Variants in ABCC2 observed in about 807,000 individuals in gnomAD.
ABCC2 encodes ATP-binding cassette sub-family C member 2.
ABCC2 carries 157 observed loss-of-function variants against 173.4 expected under a neutral mutation model. The ratio of observed to expected loss-of-function variants is 0.91; its 90% CI spans 0.80 to 1.03. The LOEUF (loss-of-function observed/expected upper bound fraction) is 1.03, where lower values mean the gene tolerates loss of function less well. Among genes scored for constraint, ABCC2 ranks in the 50% least tolerant of loss-of-function variants. ABCC2 has a pLI of 0.00. For synonymous variants in ABCC2, 657 were observed against 693.5 expected, an observed-to-expected ratio of 0.95 and a Z score of 0.83; for missense variants, 1,822 against 1,852.3, an observed-to-expected ratio of 0.98 and a Z score of 0.30.
chr10:99,832,136 G>A lies in ABCC2; in HGVS notation c.3258+5G>A. 6.2e-7 allele frequency: 1 copy of A among 1,614,172 alleles called. No homozygotes were observed. Among genetic ancestry groups the A allele is most frequent in the Non-Finnish European group, 8.5e-7 (1 of 1,180,012 alleles). On this transcript the variant is annotated splice_donor_5th_base_variant and intron_variant, in intron 23 of 31. Coordinates refer to ENST00000647814, the MANE Select transcript of ABCC2 (RefSeq NM_000392.5). ...ATTGTGAACAGGTTTGCCGGCGTAA[G>A]TATCTCAAGAACTGTCAGGTGGTGT...
intron 16 of ABCC2, 71 bp downstream of exon 16, chr10:99,813,215 G>T: frequency 6.4e-7 from 1 of 1,570,856 alleles, no homozygotes; most frequent in Non-Finnish European, 8.7e-7. Context: ...TGCCTCACTG[G>T]GGAGAAGGCA....
At position 99,850,498 on chromosome 10, in the gene ABCC2, G is replaced by A. The variant is rs2039072602; in HGVS notation, c.4314-104G>A. The A allele has an allele frequency of 3.6e-6, 4 of 1,121,112 alleles. No homozygotes were observed. The Admixed American group carries it at 5.9e-5, about 17-fold the overall frequency. 69.4% of individuals were successfully genotyped at this position (1,121,112 alleles called of 1,614,324 possible). On this transcript the variant is annotated intron_variant, in intron 30 of 31. Transcript: ENST00000647814. The stretch of plus-strand genomic sequence containing the variant: ...CAAACATTCCAGGGGAATTTTGGAG[G>A]GGGGGTTTTGAAAGTCTGATCTGGA...
In ABCC2 at chr10:99,782,851, G is replaced by C. The variant is rs749476023; in HGVS notation, c.7G>C (p.Glu3Gln). 5 of 1,614,066 alleles carry C rather than the reference G, an allele frequency of 3.1e-6. No individual in the cohort carries two copies. The highest frequency in any genetic ancestry group is 4.5e-5 in the East Asian group (2 of 44,868). ...CAGACGCAGTCCAGGAATCATGCTG[G>C]AGAAGTTCTGCAACTCTACTTTTTG... Reference protein sequence around the residue: MLEKFCNSTFWNS... With the variant: MLQKFCNSTFWNS... The change falls in exon 1 of 32, where the codon GAG becomes CAG. Residue 3 changes from glutamate (E) to glutamine (Q), a missense_variant. Glu to Gln is a conservative substitution (Grantham distance 29, BLOSUM62 2). Coordinates refer to ENST00000647814, the MANE Select transcript of ABCC2 (RefSeq NM_000392.5).
chr10:99,845,564 A>T (rs2039004269), intron 28 of ABCC2, 60 bp from the exon 29 acceptor site: 4 of 1,599,622 alleles, frequency 2.5e-6, no homozygotes, highest in Non-Finnish European at 3.4e-6. Flanking sequence ...TGCCCAGGCT[A>T]AATAACTTTT....
At position 99,830,564 on chromosome 10, in the gene ABCC2, T is replaced by C. The variant is rs1030312835; in HGVS notation, c.2747+131T>C. 1.2e-5 allele frequency: 19 copies of C among 1,563,686 alleles called. No individual in the cohort carries two copies. In the Admixed American group the frequency reaches 1.3e-4, roughly 11 times the overall value. ...TCCAAGCTCTTCCTTTGTTTCTTTG[T>C]TGTGGGGATGGGGAAAGATCGGGGT... On this transcript the variant is annotated intron_variant, in intron 20 of 31. Coordinates refer to ENST00000647814, the MANE Select transcript of ABCC2 (RefSeq NM_000392.5).
rs769179507 is a variant in ABCC2, at chr10:99,834,521, T to C, written c.3400T>C (p.Tyr1134His). The C allele has an allele frequency of 6.2e-7, 1 of 1,614,200 alleles. No individual in the cohort carries two copies. The highest frequency in any genetic ancestry group is 1.1e-5 in the South Asian group (1 of 91,080). ...TIIVIPLGIIYVSVQMFYVST... is the reference protein window; with the variant it reads ...TIIVIPLGIIHVSVQMFYVST... Reference sequence around the variant, plus strand: ...CATCGTCATTCCTCTTGGCATTATTTATGTATCTGTTCAGGTAGGTTTGGA... The same window carrying C: ...CATCGTCATTCCTCTTGGCATTATTCATGTATCTGTTCAGGTAGGTTTGGA... The change falls in exon 24 of 32, where the codon TAT (tyrosine) becomes CAT (histidine). Residue 1134 changes from tyrosine (Y) to histidine (H), a missense_variant. Physicochemically the swap from Tyr to His is moderately conservative, Grantham distance 83. Coordinates refer to ENST00000647814, the MANE Select transcript of ABCC2 (RefSeq NM_000392.5).
chr10:99,844,466 G>T lies in ABCC2; in HGVS notation c.3987+1G>T. The T allele has an allele frequency of 6.2e-7, 1 of 1,613,242 alleles. No individual in the cohort carries two copies. The highest frequency in any genetic ancestry group is 1.1e-5 in the South Asian group (1 of 91,082). On this transcript the variant is annotated splice_donor_variant, in intron 28 of 31. Transcript: ENST00000647814. LOFTEE classifies it high-confidence loss of function. ...TTGTGACATCGGTAGCATGGAGAAG[G>T]TAGGTGGAGTGAAGGAAGGCCTGGA... is the stretch of plus-strand genomic sequence containing the variant.
At chr10:99,841,604 C>T (rs755536120) in intron 25 of ABCC2, among the ~76,000 whole-genome samples, 1 of 151,952 alleles carries the variant, frequency 6.6e-6, no homozygotes, top group Non-Finnish European at 1.5e-5. Flanking sequence ...CATCCTAGGC[C>T]CCCTGAAATC....
At chr10:99,813,499 T>G (rs527598182) in intron 16 of ABCC2, among the ~76,000 whole-genome samples, 95 of 152,322 alleles carry the variant, frequency 6.2e-4, no homozygotes, top group African/African-American at 2.2e-3. Context: ...GCAGATCACC[T>G]GAGGTCAGGA....
chr10:99,837,038 T>A (rs1227999189), intron 25 of ABCC2, among the ~76,000 whole-genome samples: 2 of 152,200 alleles, frequency 1.3e-5, no homozygotes, highest in African/African-American at 4.8e-5. Context: ...TATAAGTAAA[T>A]CTTATTAGAC....
intron 2 of ABCC2, 40 bp from the exon 3 acceptor site, chr10:99,792,193 AG>A (rs1426037641): frequency 1.2e-6 from 2 of 1,612,912 alleles, no homozygotes; most frequent in Non-Finnish European, 1.7e-6. Context: ...AGCCTTATAA[AG>A]AATGATATCC....
At chr10:99,784,343 C>T (rs1241212901) in intron 1 of ABCC2, among the ~76,000 whole-genome samples, 3 of 152,144 alleles carry the variant, frequency 2.0e-5, no homozygotes, top group Non-Finnish European at 4.4e-5. Flanking sequence ...GAGGTTTACT[C>T]AGAATAGCTG....
intron 3 of ABCC2, among the ~76,000 whole-genome samples, chr10:99,792,922 A>T (rs1035982227): frequency 6.6e-6 from 1 of 152,170 alleles, no homozygotes; most frequent in Non-Finnish European, 1.5e-5. Flanking sequence ...GCAATCGCAA[A>T]CCTACGTTCA....
intron 9 of ABCC2, among the ~76,000 whole-genome samples, chr10:99,801,690 G>A (rs1164468974): frequency 2.6e-5 from 4 of 152,200 alleles, no homozygotes; most frequent in Non-Finnish European, 5.9e-5. Context: ...CATCCAGGAG[G>A]AGATAGGTTC....
chr10:99,793,406 T>A, intron 3 of ABCC2, 145 bp from the exon 4 acceptor site: 1 of 1,178,182 alleles, frequency 8.5e-7, no homozygotes, highest in Non-Finnish European at 1.3e-6. Flanking sequence ...CAACCTGGCA[T>A]CTGTGTGCTC....
At chr10:99,800,951 C>T (rs1187875619) in intron 9 of ABCC2, among the ~76,000 whole-genome samples, 1 of 152,160 alleles carries the variant, frequency 6.6e-6, no homozygotes, top group East Asian at 1.9e-4. Flanking sequence ...AAACCACCAA[C>T]ATTTAACTCA....
At chr10:99,795,671 T>C (rs1590145095) in intron 6 of ABCC2, among the ~76,000 whole-genome samples, 1 of 147,136 alleles carries the variant, frequency 6.8e-6, no homozygotes, top group South Asian at 2.1e-4. Context: ...TGCACTCCAG[T>C]CTGGGCGACA....
rs1590185678 is a variant in ABCC2 at position 99,836,075 on chromosome 10, T to C, written c.3415-16T>C. 2.5e-6 allele frequency: 4 copies of C among 1,612,716 alleles called. No individual in the cohort carries two copies. The East Asian group carries it at 8.9e-5, about 36-fold the overall frequency. On this transcript the variant is annotated splice_polypyrimidine_tract_variant and intron_variant, in intron 24 of 31. Transcript: ENST00000647814. ...ATGACTGCGGGACTGGCTGATTCTT[T>C]ACTTTTTGTGTCCAGATGTTTTATG... is the stretch of plus-strand genomic sequence containing the variant.
intron 30 of ABCC2, among the ~76,000 whole-genome samples, chr10:99,849,307 G>C (rs186918381): frequency 6.6e-6 from 1 of 152,330 alleles, no homozygotes; most frequent in Admixed American, 6.5e-5. Context: ...TGACTTCCTA[G>C]CATTTACAGC....
Sources: gnomAD v4.1 joint callset for allele counts (sites outside exome capture counted in the v4.1 genomes callset) on GRCh38, gnomAD v4.1.1 for gene constraint, MANE v1.5 for transcripts, NCBI Gene and HGNC (gene_info 2026-07-23, HGNC 2026-07-21) for gene names.